Variants in ICE1 observed in about 807,000 individuals in gnomAD.
ICE1 encodes interactor of little elongation complex ELL subunit 1, also known as little elongation complex subunit 1.
In ICE1, 64 loss-of-function variants were observed where a neutral mutation model predicts 192.7. The ratio of observed to expected loss-of-function variants is 0.33; its 90% CI spans 0.27 to 0.41. The LOEUF is 0.41. Ranked by LOEUF, ICE1 falls within the 10% of genes least tolerant of loss-of-function variation. The pLI is 1.00. For synonymous variants in ICE1, 1,010 were observed against 984.5 expected (o/e 1.03, Z -0.49); for missense variants, 2,708 against 2,696.0 (o/e 1.00, Z -0.10).
At chr5:5,488,439 T>C (rs1027027110) in intron 18 of ICE1, among the ~76,000 whole-genome samples, 2 of 152,234 alleles carry the variant, frequency 1.3e-5, no homozygotes, top group Non-Finnish European at 2.9e-5. Flanking sequence ...TGGGTCATGT[T>C]GATGCTCCAG....
At chr5:5,428,912 G>A (rs183487050) in intron 1 of ICE1, among the ~76,000 whole-genome samples, 63 of 152,258 alleles carry the variant, frequency 4.1e-4, no homozygotes, top group Non-Finnish European at 5.6e-4. Flanking sequence ...ATTTTTGATT[G>A]TCAGTGTTGG....
intron 3 of ICE1, 140 bp downstream of exon 3, chr5:5,437,254 C>T: frequency 1.6e-6 from 1 of 610,904 alleles, no homozygotes. Flanking sequence ...GTCTCACAAG[C>T]ACAGTAAACA....
At chr5:5,433,272 C>G (rs1387408176) in intron 1 of ICE1, among the ~76,000 whole-genome samples, 1 of 152,128 alleles carries the variant, frequency 6.6e-6, no homozygotes, top group Non-Finnish European at 1.5e-5. Context: ...AGTGATTTCT[C>G]TGAGGCATGG....
chr5:5,446,538 A>C (rs917388473), intron 7 of ICE1, among the ~76,000 whole-genome samples: 17 of 152,284 alleles, frequency 1.1e-4, no homozygotes, highest in African/African-American at 4.1e-4. Flanking sequence ...AAACCTGCTC[A>C]TCCTCCCAAA....
At chr5:5,483,521 G>A (rs1739563700) in intron 17 of ICE1, among the ~76,000 whole-genome samples, 1 of 152,200 alleles carries the variant, frequency 6.6e-6, no homozygotes, top group African/African-American at 2.4e-5. Flanking sequence ...TTGCTCTAGA[G>A]TCACAGAAAT....
chr5:5,469,224 A>T (rs1739084132), intron 15 of ICE1, among the ~76,000 whole-genome samples: 1 of 152,242 alleles, frequency 6.6e-6, no homozygotes, highest in South Asian at 2.1e-4. Context: ...TGTGTTATAC[A>T]CTAATTTGTG....
intron 11 of ICE1, among the ~76,000 whole-genome samples, chr5:5,455,968 T>C (rs1035359832): frequency 2.0e-5 from 3 of 152,184 alleles, no homozygotes; most frequent in African/African-American, 7.2e-5. Flanking sequence ...GTTTTTTTTT[T>C]AATCTCTCAT....
intron 10 of ICE1, among the ~76,000 whole-genome samples, chr5:5,450,045 GT>G (rs1223373901): frequency 6.6e-6 from 1 of 152,294 alleles, no homozygotes; most frequent in African/African-American, 2.4e-5. Flanking sequence ...AATACACTTT[GT>G]CTGCCAAAGA....
chr5:5,463,995 ATCGATCAAAGATT>A lies in ICE1; in HGVS notation c.4664_4676del (p.Arg1555GlnfsTer10). The stretch of plus-strand genomic sequence containing the variant: ...CTAGAGCCATCTGGCAAAAATAAGA[ATCGATCAAAGATT>A]TCAAACAAAGATCAGTCAAACAAAC... On this transcript the variant is annotated frameshift_variant, in exon 13 of 19. Transcript: ENST00000296564. LOFTEE classifies it high-confidence loss of function. The A allele has an allele frequency of 6.2e-7, 1 of 1,613,828 alleles. No homozygotes were observed.
rs183121391 is a variant in ICE1 at position 5,424,841 on chromosome 5, C to G, written c.84+1842C>G. Among the ~76,000 whole-genome samples the G allele has an allele frequency of 5.4e-4, 82 of 152,262 alleles. 1 individual carries two copies. The highest frequency in any genetic ancestry group is 3.4e-3 in the Middle Eastern group (1 of 294). ...GCTGGCTTGGTGTGCTTGGGAAGAG[C>G]AAGAAGGCCAGTGAAGCTGGAGCGG... On this transcript the variant is annotated intron_variant, in intron 1 of 18. Transcript: ENST00000296564.
intron 4 of ICE1, among the ~76,000 whole-genome samples, chr5:5,440,329 A>G (rs1241717915): frequency 1.3e-5 from 2 of 152,220 alleles, no homozygotes; most frequent in Non-Finnish European, 2.9e-5. Context: ...CATCACCCAG[A>G]TGAAGGCGAA....
rs373710118 is a variant in ICE1 at position 5,464,893 on chromosome 5, G to T, written c.5559G>T (p.Gly1853=). 3 of 1,613,394 alleles carry T rather than the reference G, an allele frequency of 1.9e-6. No homozygotes were observed. Among genetic ancestry groups the T allele is most frequent in the Non-Finnish European group, 2.5e-6 (3 of 1,179,592 alleles). Residue 1853 remains glycine, a synonymous_variant, in exon 13 of 19, where the codon GGG becomes GGT. Transcript: ENST00000296564. The surrounding 1 kb of genome is among the most constrained non-coding windows in gnomAD (Gnocchi z 4.0). The part of the protein sequence containing the change: ...RSAKRLRLDT[G]SPEPETRGVT... ...CTAAAAGACTGCGCCTGGACACTGG[G>T]TCCCCAGAACCAGAAACCAGGGGAG...
Position 5,467,965 on chromosome 5 carries a change from G to A in ICE1, c.6062-863G>A, listed in dbSNP as rs1232103896. 3.9e-5 allele frequency among the ~76,000 whole-genome samples: 6 copies of A among 152,256 alleles called. No individual in the cohort carries two copies. The East Asian group carries it at 5.8e-4, about 15-fold the overall frequency. ...ATGACATCATTACATAAACTAGCAC[G>A]CGGATGTAACATCTTGACTCATAGG... On this transcript the variant is annotated intron_variant, in intron 14 of 18. Coordinates refer to ENST00000296564, the MANE Select transcript of ICE1 (RefSeq NM_015325.3).
At chr5:5,434,515 C>G (rs1474748429) in intron 1 of ICE1, among the ~76,000 whole-genome samples, 3 of 152,134 alleles carry the variant, frequency 2.0e-5, no homozygotes, top group Non-Finnish European at 4.4e-5. Flanking sequence ...ATGAGCTGGT[C>G]TTACTGTAAT....
At chr5:5,437,421 G>A (rs147034954) in intron 3 of ICE1, 65 of 248,674 alleles carry the variant, frequency 2.6e-4, no homozygotes, top group African/African-American at 1.3e-3. Flanking sequence ...TTAGGTTTAC[G>A]AATAATGTGA....
At chr5:5,430,895 G>T (rs1737686926) in intron 1 of ICE1, among the ~76,000 whole-genome samples, 1 of 152,226 alleles carries the variant, frequency 6.6e-6, no homozygotes, top group African/African-American at 2.4e-5. Context: ...GAAGATATTA[G>T]TGAGTGCTTA....
intron 1 of ICE1, among the ~76,000 whole-genome samples, chr5:5,426,125 A>G (rs1402245885): frequency 3.9e-5 from 6 of 152,254 alleles, no homozygotes; most frequent in African/African-American, 1.4e-4. Context: ...ATAGCAGGCC[A>G]GGTTAGATGT....
At chr5:5,442,907 A>G (rs1299318114) in intron 5 of ICE1, among the ~76,000 whole-genome samples, 1 of 152,210 alleles carries the variant, frequency 6.6e-6, no homozygotes, top group Non-Finnish European at 1.5e-5. Context: ...TAGCTGTTTG[A>G]TATTTAAACC....
intron 17 of ICE1, among the ~76,000 whole-genome samples, chr5:5,482,114 T>G (rs369974507): frequency 3.3e-5 from 5 of 152,238 alleles, no homozygotes; most frequent in Admixed American, 2.6e-4. Flanking sequence ...TAAGAATATG[T>G]TAATAGTTTA....
Sources: allele counts gnomAD v4.1 joint callset (sites outside exome capture counted in the v4.1 genomes callset), GRCh38; gene constraint gnomAD v4.1.1; non-coding constraint Gnocchi (gnomAD v3.1); transcripts MANE v1.5; gene names NCBI Gene and HGNC (gene_info 2026-07-23, HGNC 2026-07-21).